Variants in GRIN2B observed in about 807,000 individuals in gnomAD.
GRIN2B encodes glutamate receptor ionotropic, NMDA 2B.
In GRIN2B, 5 loss-of-function variants were observed where a neutral mutation model predicts 114.5. The ratio of observed to expected loss-of-function variants is 0.04; its 90% confidence interval spans 0.02 to 0.09. The LOEUF is 0.09. GRIN2B is among the 10% of genes least tolerant of loss of function. GRIN2B has a pLI of 1.00. For missense variants in GRIN2B, 1,108 were observed against 1,943.5 expected (o/e 0.57, Z 8.08); for synonymous variants, 787 against 745.1 (o/e 1.06, Z -0.92).
intron 10 of GRIN2B, among the ~76,000 whole-genome samples, chr12:13,598,164 G>A (rs1949100633): frequency 1.3e-5 from 2 of 152,190 alleles, no homozygotes; most frequent in African/African-American, 4.8e-5. Flanking sequence ...GCAAGTTCTG[G>A]GCTCCCCAGA....
rs577842504 is a variant in GRIN2B at position 13,869,819 on chromosome 12, A to G, written c.-18-3593T>C. On this transcript the variant is annotated intron_variant, in intron 2 of 13. Coordinates refer to ENST00000609686, the MANE Select transcript of GRIN2B (RefSeq NM_000834.5). ...TTTAATACCAGTTCTGTGTTAACACAGTGCCTGAGGATGGGCGAGTCACCT... is the reference window on the plus strand; with the variant it reads ...TTTAATACCAGTTCTGTGTTAACACGGTGCCTGAGGATGGGCGAGTCACCT... Among the ~76,000 whole-genome samples the G allele has an allele frequency of 8.5e-5, 13 of 152,372 alleles. No homozygotes were observed. The South Asian group carries it at 2.7e-3, about 32-fold the overall frequency.
At chr12:13,900,195 C>T (rs7309309) in intron 2 of GRIN2B, among the ~76,000 whole-genome samples, 24,858 of 152,030 alleles carry the variant, frequency 0.16, 2,246 homozygotes, top group Non-Finnish European at 0.19. Flanking sequence ...TTAATAAGGC[C>T]GGGCACGGTG....
At chr12:13,921,763 G>C (rs886111831) in intron 2 of GRIN2B, among the ~76,000 whole-genome samples, 3 of 152,128 alleles carry the variant, frequency 2.0e-5, no homozygotes, top group African/African-American at 7.2e-5. Context: ...TGGCAGGGAA[G>C]ACACCATGTC....
At chr12:13,570,630 C>T (rs1948694592) in intron 11 of GRIN2B, among the ~76,000 whole-genome samples, 2 of 152,074 alleles carry the variant, frequency 1.3e-5, no homozygotes, top group Admixed American at 1.3e-4. Context: ...ACATAAATTA[C>T]AGCATATAGT....
At chr12:13,920,235 G>GAAAA (rs11354278) in intron 2 of GRIN2B, among the ~76,000 whole-genome samples, 1 of 139,286 alleles carries the variant, frequency 7.2e-6, no homozygotes. Flanking sequence ...CCTATCTCAA[G>GAAAA]AAAAAAAAAA....
chr12:13,642,577 T>C (rs1949729483), intron 5 of GRIN2B, among the ~76,000 whole-genome samples: 1 of 152,198 alleles, frequency 6.6e-6, no homozygotes, highest in African/African-American at 2.4e-5. Context: ...GACACTTACA[T>C]ATAAGATTAC....
chr12:13,764,264 C>T (rs1266183270), intron 3 of GRIN2B, among the ~76,000 whole-genome samples: 2 of 152,062 alleles, frequency 1.3e-5, no homozygotes, highest in African/African-American at 4.8e-5. Context: ...AAGAGACACT[C>T]TCTCTGGCCC....
intron 4 of GRIN2B, among the ~76,000 whole-genome samples, chr12:13,697,447 C>A (rs1950271702): frequency 6.6e-6 from 1 of 152,152 alleles, no homozygotes; most frequent in Non-Finnish European, 1.5e-5. Context: ...GAACACCTGA[C>A]TTTATCTCCC....
At position 13,693,391 on chromosome 12, in the gene GRIN2B, A is replaced by T. The variant is rs181414160; in HGVS notation, c.1011-17532T>A. 1.5e-3 allele frequency among the ~76,000 whole-genome samples: 235 copies of T among 152,316 alleles called. 2 individuals are homozygous for T. Among genetic ancestry groups the T allele is most frequent in the South Asian group, 5.0e-3 (24 of 4,822 alleles). Reference sequence around the variant, plus strand: ...TATTTAAATATCAAAATATGTATATATGTGAAGGAAAAACTATAAAGCATG... The same window carrying T: ...TATTTAAATATCAAAATATGTATATTTGTGAAGGAAAAACTATAAAGCATG... On this transcript the variant is annotated intron_variant, in intron 4 of 13. Transcript: ENST00000609686.
chr12:13,886,948 C>T (rs1251280002), intron 2 of GRIN2B, among the ~76,000 whole-genome samples: 1 of 152,032 alleles, frequency 6.6e-6, no homozygotes, highest in African/African-American at 2.4e-5. Context: ...TATTATTAGC[C>T]CTATTAGCCC....
intron 10 of GRIN2B, among the ~76,000 whole-genome samples, chr12:13,598,193 A>T (rs557344480): frequency 1.3e-5 from 2 of 152,308 alleles, no homozygotes; most frequent in South Asian, 4.1e-4. Context: ...CAGGAAGAAC[A>T]TTGGACCAAC....
At chr12:13,633,661 G>T (rs945200491) in intron 5 of GRIN2B, among the ~76,000 whole-genome samples, 1 of 152,150 alleles carries the variant, frequency 6.6e-6, no homozygotes, top group Non-Finnish European at 1.5e-5. Context: ...TTCCTGACTT[G>T]AAAAAGTTTC....
intron 3 of GRIN2B, among the ~76,000 whole-genome samples, chr12:13,773,321 A>G (rs1246277677): frequency 6.6e-6 from 1 of 152,166 alleles, no homozygotes; most frequent in Non-Finnish European, 1.5e-5. Context: ...ACAATATTGA[A>G]TGTTTATGTA....
intron 4 of GRIN2B, among the ~76,000 whole-genome samples, chr12:13,751,749 C>G (rs533666779): frequency 1.3e-5 from 2 of 152,178 alleles, no homozygotes; most frequent in South Asian, 2.1e-4. Context: ...AAATTTAGAG[C>G]TCAAGGGAGA....
intron 3 of GRIN2B, among the ~76,000 whole-genome samples, chr12:13,842,378 G>A (rs1479733088): frequency 1.3e-5 from 2 of 152,126 alleles, no homozygotes; most frequent in African/African-American, 4.8e-5. Flanking sequence ...AATGTCCAAG[G>A]TATACCACAC....
chr12:13,570,082 A>G, intron 11 of GRIN2B, 65 bp from the exon 12 acceptor site: 1 of 1,090,728 alleles, frequency 9.2e-7, no homozygotes, highest in South Asian at 1.3e-5. Flanking sequence ...CTGTGGGGCC[A>G]TTAATATGAA....
At position 13,547,981 on chromosome 12, in the gene GRIN2B, A is replaced by ATATATATATTTTTTTTTTTTTTT; in HGVS notation, c.*14801_*14802insAAAAAAAAAAAAAAATATATATA. The ATATATATATTTTTTTTTTTTTTT allele has an allele frequency of 5.8e-5, 4 of 68,594 alleles. No individual in the cohort carries two copies. Among genetic ancestry groups the ATATATATATTTTTTTTTTTTTTT allele is most frequent in the East Asian group, 5.7e-4 (1 of 1,742 alleles). The allele number at this position is 68,594 out of a possible 1,614,324, so 4.2% of individuals were successfully genotyped here. On this transcript the variant is annotated 3_prime_UTR_variant, in exon 14 of 14. Coordinates refer to ENST00000609686, the MANE Select transcript of GRIN2B (RefSeq NM_000834.5). ...TGTGTATATATATATATATATATATATTTTTTTTTTTTTTCTGAAAGCTAC... is the reference window on the plus strand; with the variant it reads ...TGTGTATATATATATATATATATATATATATATATTTTTTTTTTTTTTTTTTTTTTTTTTTTTCTGAAAGCTAC...
At chr12:13,718,067 G>A (rs1174817641) in intron 4 of GRIN2B, among the ~76,000 whole-genome samples, 1 of 151,996 alleles carries the variant, frequency 6.6e-6, no homozygotes, top group Non-Finnish European at 1.5e-5. Flanking sequence ...CTTATGGAAA[G>A]GAAGTCTTTG....
At chr12:13,636,539 G>A (rs940947400) in intron 5 of GRIN2B, among the ~76,000 whole-genome samples, 20 of 152,186 alleles carry the variant, frequency 1.3e-4, no homozygotes, top group Non-Finnish European at 2.6e-4. Context: ...AATAGAGGGA[G>A]TGTGAAGTGG....
Sources: gnomAD v4.1 joint callset for allele counts (sites outside exome capture counted in the v4.1 genomes callset) on GRCh38, gnomAD v4.1.1 for gene constraint, MANE v1.5 for transcripts, NCBI Gene and HGNC (gene_info 2026-07-23, HGNC 2026-07-21) for gene names.